The following CMKLR1 variants were observed in gnomAD, a reference collection of about 807,000 sequenced individuals.
The protein encoded by CMKLR1 is chemerin chemokine-like receptor 1.
A neutral mutation model predicts 8.2 loss-of-function variants in CMKLR1; 6 were observed. The observed-to-expected ratio is 0.73, with a 90% CI of 0.40 to 1.44. The LOEUF is 1.44. Among genes scored for constraint, CMKLR1 ranks in the 40% most tolerant of loss-of-function variants. The pLI, the probability that CMKLR1 is intolerant of heterozygous loss-of-function variation, is 0.02. For synonymous variants in CMKLR1, 178 were observed against 181.2 expected (o/e 0.98, Z 0.14); for missense variants, 429 against 478.0 (o/e 0.90, Z 0.96).
chr12:108,319,915 G>T (rs1891819185), intron 2 of CMKLR1, among the ~76,000 whole-genome samples: 2 of 152,100 alleles, frequency 1.3e-5, no homozygotes, highest in South Asian at 4.1e-4. Flanking sequence ...CATATTACCT[G>T]CCAGGTGTCA....
intron 2 of CMKLR1, among the ~76,000 whole-genome samples, chr12:108,322,508 C>G (rs1350108733): frequency 6.6e-6 from 1 of 152,160 alleles, no homozygotes; most frequent in Admixed American, 6.5e-5. Flanking sequence ...GGGGTGCCCA[C>G]TGGCCAACTC....
chr12:108,328,077 C>T (rs1451324100), intron 2 of CMKLR1, among the ~76,000 whole-genome samples: 8 of 152,120 alleles, frequency 5.3e-5, no homozygotes, highest in African/African-American at 1.7e-4. Context: ...ATTTCCTTCA[C>T]ATCTGAGGCT....
chr12:108,295,359 CT>C (rs1891106599), intron 2 of CMKLR1, among the ~76,000 whole-genome samples: 1 of 152,254 alleles, frequency 6.6e-6, no homozygotes, highest in South Asian at 2.1e-4. Context: ...CACACTGCCC[CT>C]GAGACCATGA....
At chr12:108,330,492 G>A (rs1892080262) in intron 1 of CMKLR1, among the ~76,000 whole-genome samples, 1 of 151,048 alleles carries the variant, frequency 6.6e-6, no homozygotes, top group South Asian at 2.1e-4. Flanking sequence ...ACTGATGTGT[G>A]ATGTCTGCCA....
intron 2 of CMKLR1, among the ~76,000 whole-genome samples, chr12:108,309,100 T>C (rs889973441): frequency 3.3e-5 from 5 of 152,228 alleles, no homozygotes; most frequent in African/African-American, 1.2e-4. Flanking sequence ...GAGTGATCAT[T>C]GCTCCTCCCT....
chr12:108,302,293 T>A (rs946485766), intron 2 of CMKLR1, among the ~76,000 whole-genome samples: 4 of 152,228 alleles, frequency 2.6e-5, no homozygotes, highest in Admixed American at 2.6e-4. Flanking sequence ...GCTGCAGGTA[T>A]CTGCGAACCC....
intron 2 of CMKLR1, among the ~76,000 whole-genome samples, chr12:108,306,498 C>T (rs936725898): frequency 6.6e-6 from 1 of 152,164 alleles, no homozygotes; most frequent in African/African-American, 2.4e-5. Flanking sequence ...CAAGTTCTTC[C>T]CATTTTGTCC....
chr12:108,337,337 GACTTCAGTCCA>G (rs1462014040), intron 1 of CMKLR1, among the ~76,000 whole-genome samples: 1 of 152,214 alleles, frequency 6.6e-6, no homozygotes, highest in Non-Finnish European at 1.5e-5. Context: ...TAAGAGATGG[GACTTCAGTCCA>G]ACTTCCCCCA....
chr12:108,335,289 C>T (rs891921585), intron 1 of CMKLR1, among the ~76,000 whole-genome samples: 15 of 152,150 alleles, frequency 9.9e-5, no homozygotes, highest in Non-Finnish European at 1.9e-4. Flanking sequence ...ACTAGATTGG[C>T]CACATGATAG....
rs1555250065 is a variant in CMKLR1, at chr12:108,288,964, C to CCA, written c.*2876_*2877insTG. The CCA allele has an allele frequency of 2.0e-5, 3 of 152,060 alleles. No homozygotes were observed. Among genetic ancestry groups the CCA allele is most frequent in the African/African-American group, 7.3e-5 (3 of 41,230 alleles). The allele number at this position is 152,060 out of a possible 1,614,324, so 9.4% of individuals were successfully genotyped here. On this transcript the variant is annotated 3_prime_UTR_variant, in exon 4 of 4. Coordinates refer to ENST00000550402, the MANE Select transcript of CMKLR1 (RefSeq NM_001142343.2). ...AAACTCACTTTCTGCACCCCCCCCC[C>CCA]ACCTTGCTATGATGGTCCCCTTCTG...
At chr12:108,316,086 A>T (rs1406391374) in intron 2 of CMKLR1, among the ~76,000 whole-genome samples, 2 of 152,200 alleles carry the variant, frequency 1.3e-5, no homozygotes, top group Non-Finnish European at 2.9e-5. Flanking sequence ...TGCATACTTC[A>T]TGGAGTCACT....
chr12:108,299,219 G>C (rs148623292), intron 2 of CMKLR1, among the ~76,000 whole-genome samples: 9 of 152,340 alleles, frequency 5.9e-5, no homozygotes, highest in Admixed American at 3.3e-4. Context: ...TGGCAAGAAT[G>C]TCAGAGAAAG....
At chr12:108,319,141 T>G (rs1469568670) in intron 2 of CMKLR1, among the ~76,000 whole-genome samples, 1 of 152,206 alleles carries the variant, frequency 6.6e-6, no homozygotes, top group African/African-American at 2.4e-5. Flanking sequence ...CCAAGAACCC[T>G]GGCCATGACG....
Position 108,292,846 on chromosome 12 carries a change from G to C in CMKLR1, c.117C>G (p.Thr39=), listed in dbSNP as rs761137943. Residue 39 remains threonine (T), a synonymous_variant, in exon 4 of 4, where the codon ACC becomes ACG. Transcript: ENST00000550402. Reference sequence around the variant, plus strand: ...TGTAGACCACCACCAGGAAGATCCTGGTCACCCTGGCTTCCAAGGGGGATA... The same window carrying C: ...TGTAGACCACCACCAGGAAGATCCTCGTCACCCTGGCTTCCAAGGGGGATA... The part of the protein sequence containing the change: ...EDLSPLEARV[T]RIFLVVVYSI... 1.2e-6 allele frequency: 2 copies of C among 1,614,104 alleles called. No homozygotes were observed. The highest frequency in any genetic ancestry group is 8.5e-7 in the Non-Finnish European group (1 of 1,180,014).
At chr12:108,331,511 G>A (rs1465920560) in intron 1 of CMKLR1, among the ~76,000 whole-genome samples, 2 of 152,214 alleles carry the variant, frequency 1.3e-5, no homozygotes, top group Non-Finnish European at 2.9e-5. Flanking sequence ...ACAATCAGAT[G>A]CAGACCAATG....
At chr12:108,299,921 T>C (rs1487788933) in intron 2 of CMKLR1, among the ~76,000 whole-genome samples, 3 of 152,170 alleles carry the variant, frequency 2.0e-5, no homozygotes, top group African/African-American at 7.2e-5. Context: ...GGAAAACAAA[T>C]ACACTCCCCA....
chr12:108,326,154 G>A (rs1257388118), intron 2 of CMKLR1, among the ~76,000 whole-genome samples: 1 of 152,140 alleles, frequency 6.6e-6, no homozygotes, highest in African/African-American at 2.4e-5. Context: ...GAAGAGAGAG[G>A]CCCCAACGGA....
intron 2 of CMKLR1, among the ~76,000 whole-genome samples, chr12:108,302,256 G>A (rs1410444826): frequency 6.6e-6 from 1 of 152,212 alleles, no homozygotes; most frequent in African/African-American, 2.4e-5. Context: ...AGGTTGGCCG[G>A]GTGGGAGCAC....
intron 2 of CMKLR1, among the ~76,000 whole-genome samples, chr12:108,312,665 A>T (rs868690899): frequency 3.3e-5 from 5 of 152,222 alleles, no homozygotes; most frequent in African/African-American, 1.2e-4. Flanking sequence ...GAAGGGGCAG[A>T]GGAGAGATCT....
Sources: allele counts gnomAD v4.1 joint callset (sites outside exome capture counted in the v4.1 genomes callset), GRCh38; gene constraint gnomAD v4.1.1; transcripts MANE v1.5; gene names NCBI Gene and HGNC (gene_info 2026-07-23, HGNC 2026-07-21).